OCA2: variants seen among roughly 807,000 people sequenced by gnomAD.
The protein encoded by OCA2 is OCA2 melanosomal transmembrane protein.
In OCA2, 77 loss-of-function variants were observed where a neutral mutation model predicts 100.2. The ratio of observed to expected loss-of-function variants is 0.77; its 90% CI spans 0.64 to 0.93. OCA2 has a LOEUF of 0.93. Among genes scored for constraint, OCA2 ranks in the 40% least tolerant of loss-of-function variants. The pLI is 0.00. For missense variants in OCA2, 1,062 were observed against 1,089.1 expected (o/e 0.98, Z 0.35); for synonymous variants, 432 against 439.2 (o/e 0.98, Z 0.21).
At chr15:27,793,275 T>C (rs2033170523) in intron 23 of OCA2, among the ~76,000 whole-genome samples, 2 of 152,138 alleles carry the variant, frequency 1.3e-5, no homozygotes, top group Admixed American at 6.5e-5. Context: ...GCAAGCTAGG[T>C]TTGTGCCACC....
intron 23 of OCA2, among the ~76,000 whole-genome samples, chr15:27,838,413 C>A (rs1296476197): frequency 6.6e-6 from 1 of 152,018 alleles, no homozygotes; most frequent in Non-Finnish European, 1.5e-5. Context: ...AAAAACAAGC[C>A]AGAAAGAAAG....
chr15:28,000,811 C>T (rs2041902667), intron 9 of OCA2, among the ~76,000 whole-genome samples: 1 of 152,060 alleles, frequency 6.6e-6, no homozygotes, highest in African/African-American at 2.4e-5. Context: ...GGATAATAGA[C>T]ATTTTCCCAA....
At chr15:27,764,259 G>C (rs546922777) in intron 23 of OCA2, among the ~76,000 whole-genome samples, 1 of 151,914 alleles carries the variant, frequency 6.6e-6, no homozygotes, top group East Asian at 1.9e-4. Flanking sequence ...GCAGGAGGGG[G>C]AGGAGATTGG....
At chr15:27,741,521 T>G in the OCA2 span, among the ~76,000 whole-genome samples, 82 of 152,340 alleles carry the variant, frequency 5.4e-4, no homozygotes, top group African/African-American at 1.7e-3. Context: ...GGTCTGCATC[T>G]GGCGGTGGGA....
At chr15:27,786,609 C>A (rs545463018) in intron 23 of OCA2, among the ~76,000 whole-genome samples, 44 of 152,058 alleles carry the variant, frequency 2.9e-4, no homozygotes, top group Non-Finnish European at 5.9e-4. Flanking sequence ...TAATATACAG[C>A]AATACAGTAG....
chr15:27,754,539 C>G (rs911935338), downstream of OCA2, among the ~76,000 whole-genome samples: 10 of 152,144 alleles, frequency 6.6e-5, no homozygotes, highest in African/African-American at 2.4e-4. Context: ...CACAGGGCTC[C>G]CCCTTGGTCT....
chr15:27,928,098 G>A (rs1296777038), intron 18 of OCA2, among the ~76,000 whole-genome samples: 2 of 152,160 alleles, frequency 1.3e-5, no homozygotes, highest in East Asian at 3.9e-4. Context: ...AGCCAACACT[G>A]AGCATCTTTT....
intron 2 of OCA2, among the ~76,000 whole-genome samples, chr15:28,074,363 C>A (rs2044359242): frequency 6.6e-6 from 1 of 151,734 alleles, no homozygotes; most frequent in East Asian, 1.9e-4. Flanking sequence ...CATAGTGAAA[C>A]CCCGTCTCTA....
chr15:27,812,267 C>G (rs979376413), intron 23 of OCA2, among the ~76,000 whole-genome samples: 1 of 152,156 alleles, frequency 6.6e-6, no homozygotes, highest in Non-Finnish European at 1.5e-5. Flanking sequence ...AGAAGAATAC[C>G]TCTAAGTATT....
chr15:27,755,413 G>T lies in OCA2; in HGVS notation c.2492C>A (p.Ala831Asp). The T allele has an allele frequency of 6.2e-7, 1 of 1,613,532 alleles. No individual in the cohort carries two copies. The change falls in exon 24 of 24, where the codon GCT becomes GAT. Residue 831 changes from alanine (A) to aspartate (D), a missense_variant. Coordinates refer to ENST00000354638, the MANE Select transcript of OCA2 (RefSeq NM_000275.3). ...TTAATTCCATCCCACCACCACATGA[G>T]CCACAAGGAGATAACACATCCCAAC... Reference protein sequence around the residue: ...CTVGMCYLLVAHVVVGWN With the variant: ...CTVGMCYLLVDHVVVGWN
At chr15:28,009,914 A>C (rs1405467920) in intron 9 of OCA2, among the ~76,000 whole-genome samples, 1 of 152,222 alleles carries the variant, frequency 6.6e-6, no homozygotes, top group Non-Finnish European at 1.5e-5. Context: ...GAGAGAACTA[A>C]CTGAAACTGA....
intron 23 of OCA2, among the ~76,000 whole-genome samples, chr15:27,794,906 T>C (rs964742787): frequency 9.9e-5 from 15 of 152,234 alleles, no homozygotes; most frequent in Admixed American, 9.2e-4. Context: ...CAATCTCTGG[T>C]TCTTTTCAGA....
intron 19 of OCA2, among the ~76,000 whole-genome samples, chr15:27,881,142 A>G (rs1298605352): frequency 6.6e-6 from 1 of 152,012 alleles, no homozygotes; most frequent in Non-Finnish European, 1.5e-5. Flanking sequence ...CTTTAGTTCT[A>G]TTTATGTGAT....
intron 1 of OCA2, among the ~76,000 whole-genome samples, chr15:28,090,493 G>A (rs528101636): frequency 3.1e-4 from 47 of 152,258 alleles, no homozygotes; most frequent in Middle Eastern, 3.4e-3. Context: ...AAATCACACA[G>A]AGTATTCTGT....
intron 9 of OCA2, among the ~76,000 whole-genome samples, chr15:28,008,529 A>T (rs1199800055): frequency 6.6e-6 from 1 of 152,194 alleles, no homozygotes; most frequent in Non-Finnish European, 1.5e-5. Context: ...ATCAAAACAA[A>T]TACAAAATGT....
intron 2 of OCA2, among the ~76,000 whole-genome samples, chr15:28,081,322 T>C (rs1195065258): frequency 2.0e-5 from 3 of 152,220 alleles, no homozygotes; most frequent in Middle Eastern, 3.2e-3. Context: ...ACTTGCTATA[T>C]GTATAGAAAT....
At chr15:27,946,724 G>A (rs1268370885) in intron 18 of OCA2, among the ~76,000 whole-genome samples, 1 of 152,160 alleles carries the variant, frequency 6.6e-6, no homozygotes, top group Non-Finnish European at 1.5e-5. Flanking sequence ...CCATCTCTCA[G>A]TCCCATTCTC....
At chr15:27,725,615 C>T in the OCA2 span, among the ~76,000 whole-genome samples, 1,258 of 152,172 alleles carry the variant, frequency 8.3e-3, 14 homozygotes, top group Non-Finnish European at 0.011. Flanking sequence ...TTTCTCAACA[C>T]GGGAGCAAAG....
At chr15:27,952,465 G>A (rs920516072) in intron 17 of OCA2, among the ~76,000 whole-genome samples, 4 of 152,142 alleles carry the variant, frequency 2.6e-5, no homozygotes, top group Non-Finnish European at 4.4e-5. Context: ...CACGAGACGG[G>A]GCTCTCCCTA....
Sources: gnomAD v4.1 joint callset for allele counts (sites outside exome capture counted in the v4.1 genomes callset) on GRCh38, gnomAD v4.1.1 for gene constraint, MANE v1.5 for transcripts, NCBI Gene and HGNC (gene_info 2026-07-23, HGNC 2026-07-21) for gene names.